Variants in PLCG2 observed in about 807,000 individuals in gnomAD.
The protein encoded by PLCG2 is phospholipase C gamma 2.
Under a neutral mutation model 175.6 loss-of-function variants are expected in PLCG2, and 69 were observed. The observed-to-expected ratio is 0.39, with a 90% CI of 0.32 to 0.48. The LOEUF (loss-of-function observed/expected upper bound fraction) is 0.48. PLCG2 is among the 20% of genes least tolerant of loss of function. The pLI is 0.91. For synonymous variants in PLCG2, 827 were observed against 624.0 expected, an observed-to-expected ratio of 1.33 and a Z score of -4.85; for missense variants, 1,798 against 1,650.9, an observed-to-expected ratio of 1.09 and a Z score of -1.54.
intron 9 of PLCG2, 96 bp from the exon 10 acceptor site, chr16:81,889,076 G>A (rs1908508350): frequency 1.4e-6 from 1 of 711,842 alleles, no homozygotes. Flanking sequence ...ATTGGTTGAT[G>A]TTTCAGTCTT....
intron 5 of PLCG2, among the ~76,000 whole-genome samples, chr16:81,865,175 C>T (rs534424912): frequency 2.0e-5 from 3 of 152,242 alleles, no homozygotes; most frequent in East Asian, 1.9e-4. Context: ...GGCCTTTGTT[C>T]CCTTGCGTGG....
At chr16:81,874,867 A>G (rs1044623752) in intron 7 of PLCG2, among the ~76,000 whole-genome samples, 1 of 150,354 alleles carries the variant, frequency 6.7e-6, no homozygotes. Flanking sequence ...ACCTCTAACT[A>G]GGCTGTAATA....
chr16:81,855,866 G>A (rs1906656704), intron 3 of PLCG2, among the ~76,000 whole-genome samples: 1 of 152,130 alleles, frequency 6.6e-6, no homozygotes, highest in South Asian at 2.1e-4. Context: ...AGGAGCGAAT[G>A]TCTGACTGAT....
In PLCG2 at chr16:81,895,619, A is replaced by C. The variant is rs572141781; in HGVS notation, c.1073-188A>C. On this transcript the variant is annotated intron_variant, in intron 12 of 32. Coordinates refer to ENST00000564138, the MANE Select transcript of PLCG2 (RefSeq NM_002661.5). ...AAACTAGCTTGTCTTGGACAGCTGC[A>C]CTTGCATTATGTAAGCGCACAGGGA... 649 of 581,606 alleles carry C rather than the reference A, an allele frequency of 1.1e-3. 1 individual carries two copies. Among genetic ancestry groups the C allele is most frequent in the Non-Finnish European group, 1.4e-3 (476 of 328,752 alleles). 36.0% of individuals were successfully genotyped at this position (581,606 alleles called of 1,614,324 possible).
chr16:81,815,001 G>C (rs1420358598), intron 2 of PLCG2, among the ~76,000 whole-genome samples: 1 of 152,212 alleles, frequency 6.6e-6, no homozygotes, highest in Non-Finnish European at 1.5e-5. Flanking sequence ...ATTATTATCA[G>C]GACTGCTTGT....
intron 2 of PLCG2, among the ~76,000 whole-genome samples, chr16:81,850,020 C>T (rs1436810687): frequency 6.6e-6 from 1 of 152,146 alleles, no homozygotes; most frequent in South Asian, 2.1e-4. Flanking sequence ...AAATGAATTC[C>T]AGTGCCTAGT....
chr16:81,859,069 T>C (rs1369681010), intron 4 of PLCG2, 47 bp from the exon 5 acceptor site: 1 of 1,194,374 alleles, frequency 8.4e-7, no homozygotes, highest in East Asian at 2.3e-5. Flanking sequence ...TGTGCTATTT[T>C]CTAATTTTCT....
At chr16:81,814,736 G>C (rs1904464122) in intron 2 of PLCG2, among the ~76,000 whole-genome samples, 1 of 152,194 alleles carries the variant, frequency 6.6e-6, no homozygotes, top group South Asian at 2.1e-4. Context: ...TGAAGCACAG[G>C]CAGAATGGAG....
intron 14 of PLCG2, among the ~76,000 whole-genome samples, chr16:81,902,721 C>G (rs1193338264): frequency 6.6e-6 from 1 of 152,098 alleles, no homozygotes; most frequent in Non-Finnish European, 1.5e-5. Context: ...GTTACCCATT[C>G]TCACACTGCT....
At chr16:81,762,752 G>C (rs185199205) in intron 2 of PLCG2, among the ~76,000 whole-genome samples, 11 of 152,136 alleles carry the variant, frequency 7.2e-5, no homozygotes, top group East Asian at 1.9e-4. Context: ...AGTCCCCAAG[G>C]CTGGCTGATC....
At chr16:81,812,751 G>A (rs939880259) in intron 2 of PLCG2, among the ~76,000 whole-genome samples, 2 of 152,194 alleles carry the variant, frequency 1.3e-5, no homozygotes, top group Admixed American at 6.5e-5. Flanking sequence ...CTTTGCCCAT[G>A]CCTATGTCCT....
chr16:81,820,352 C>T (rs1217243128), intron 2 of PLCG2, among the ~76,000 whole-genome samples: 1 of 152,120 alleles, frequency 6.6e-6, no homozygotes, highest in Admixed American at 6.6e-5. Flanking sequence ...CCCCAGGCCA[C>T]CCCAACCTAC....
intron 1 of PLCG2, among the ~76,000 whole-genome samples, chr16:81,746,310 G>A (rs1229941945): frequency 6.6e-6 from 1 of 152,194 alleles, no homozygotes; most frequent in Admixed American, 6.5e-5. Context: ...TTGAGTGCTT[G>A]AGTTTTCGCC....
In PLCG2 at chr16:81,937,781, G is replaced by A. The variant is rs774452862; in HGVS notation, c.3076G>A (p.Ala1026Thr). 3 of 1,613,916 alleles carry A rather than the reference G, an allele frequency of 1.9e-6. No homozygotes were observed. Among genetic ancestry groups the A allele is most frequent in the Admixed American group, 1.7e-5 (1 of 60,008 alleles). The change falls in exon 28 of 33, where the codon GCA (alanine) becomes ACA (threonine). Residue 1026 changes from alanine (A) to threonine (T), a missense_variant. Coordinates refer to ENST00000564138, the MANE Select transcript of PLCG2 (RefSeq NM_002661.5). ...AGATAAGTACATGCAGATGAATCAC[G>A]CATTGTTTTCTCTCAATGGGCGCAC... is the stretch of plus-strand genomic sequence containing the variant. ...TADKYMQMNH[A>T]LFSLNGRTGY... is the part of the protein sequence containing the mutation.
chr16:81,842,095 CAA>C (rs1905864146), intron 2 of PLCG2, among the ~76,000 whole-genome samples: 1 of 152,204 alleles, frequency 6.6e-6, no homozygotes. Flanking sequence ...GAGGAAACAG[CAA>C]AGAGAAGGGA....
At chr16:81,814,885 G>C (rs1488597565) in intron 2 of PLCG2, among the ~76,000 whole-genome samples, 1 of 152,156 alleles carries the variant, frequency 6.6e-6, no homozygotes, top group African/African-American at 2.4e-5. Flanking sequence ...TTGGGATAAA[G>C]ATTAAATGAG....
chr16:81,931,272 C>G (rs968738520), intron 24 of PLCG2: 1 of 407,948 alleles, frequency 2.5e-6, no homozygotes, highest in Non-Finnish European at 4.4e-6. Flanking sequence ...GTACTGGTGA[C>G]CTGACACATC....
At chr16:81,898,300 G>A (rs1348184228) in intron 13 of PLCG2, 1 of 153,042 alleles carries the variant, frequency 6.5e-6, no homozygotes, top group African/African-American at 2.4e-5. Context: ...TTGGTATTAA[G>A]AGGGATTTAA....
At chr16:81,803,543 TCTTTCCTTTCTTTCCTTCCTTTC>T (rs1911841310) in intron 2 of PLCG2, among the ~76,000 whole-genome samples, 1 of 135,128 alleles carries the variant, frequency 7.4e-6, no homozygotes, top group South Asian at 2.4e-4. Context: ...TTCTTTTCTT[TCTTTCCTTTCTTTCCTTCCTTTC>T]CTTTCCTTTC....
Sources: allele counts gnomAD v4.1 joint callset (sites outside exome capture counted in the v4.1 genomes callset), GRCh38; gene constraint gnomAD v4.1.1; transcripts MANE v1.5; gene names NCBI Gene and HGNC (gene_info 2026-07-23, HGNC 2026-07-21).